The following RNF167 variants were observed in gnomAD, a reference collection of about 807,000 sequenced individuals.
RNF167 encodes ring finger protein 167, also known as E3 ubiquitin-protein ligase RNF167.
In RNF167, 19 loss-of-function variants were observed where a neutral mutation model predicts 34.8. The ratio of observed to expected loss-of-function variants is 0.55; its 90% confidence interval spans 0.38 to 0.80. The LOEUF (loss-of-function observed/expected upper bound fraction) is 0.80. Among genes scored for constraint, RNF167 ranks in the 30% least tolerant of loss-of-function variants. The pLI, the probability that RNF167 is intolerant of heterozygous loss-of-function variation, is 0.00. For missense variants in RNF167, 464 were observed against 447.0 expected (o/e 1.04, Z -0.34); for synonymous variants, 200 against 170.4 (o/e 1.17, Z -1.35).
chr17:4,944,909 A>C lies in RNF167; in HGVS notation c.946A>C (p.Thr316Pro), dbSNP rs1394135470. Residue 316 changes from threonine to proline, a missense_variant, in exon 10 of 10, where the codon ACT (threonine) becomes CCT (proline). Thr to Pro is a conservative substitution (Grantham distance 38, BLOSUM62 -1). Transcript: ENST00000262482. ...ERTPLLGSSP[T>P]LPTSFGSLAP... ...GACCCCACTTTTGGGTTCTAGCCCC[A>C]CTCTTCCCACCTCCTTTGGTTCCTT... The C allele has an allele frequency of 8.1e-6, 13 of 1,611,928 alleles. No individual in the cohort carries two copies. Among genetic ancestry groups the C allele is most frequent in the African/African-American group, 2.7e-5 (2 of 74,482 alleles).
upstream of RNF167, chr17:4,940,165 TG>T (rs1416938595): frequency 4.1e-5 from 16 of 393,956 alleles, no homozygotes; most frequent in Admixed American, 2.4e-4. Flanking sequence ...GGAAAGGCGC[TG>T]TTTTCACCGA....
In RNF167 at chr17:4,940,709, C is replaced by G; in HGVS notation, c.-201C>G. 2.0e-6 allele frequency: 1 copy of G among 509,160 alleles called. No homozygotes were observed. The highest frequency in any genetic ancestry group is 3.5e-6 in the Non-Finnish European group (1 of 288,280). The allele number at this position is 509,160 out of a possible 1,614,324, so 31.5% of individuals were successfully genotyped here. A position where few individuals can be genotyped will look rare whatever the true frequency, so the allele number is the denominator to read the frequency against. ...AAAAGGATACATTTAGTGCCTCCCACCCAGCTCCACTAAACGGGTTGGATA... is the reference window on the plus strand; with the variant it reads ...AAAAGGATACATTTAGTGCCTCCCAGCCAGCTCCACTAAACGGGTTGGATA... On this transcript the variant is annotated 5_prime_UTR_variant, in exon 2 of 10. Coordinates refer to ENST00000262482, the MANE Select transcript of RNF167 (RefSeq NM_015528.3).
At position 4,945,099 on chromosome 17, in the gene RNF167, T is replaced by G; in HGVS notation, c.*83T>G. The G allele has an allele frequency of 7.8e-7, 1 of 1,278,994 alleles. No homozygotes were observed. Among genetic ancestry groups the G allele is most frequent in the Non-Finnish European group, 1.1e-6 (1 of 937,018 alleles). The allele number at this position is 1,278,994 out of a possible 1,614,324, so 79.2% of individuals were successfully genotyped here. On this transcript the variant is annotated 3_prime_UTR_variant, in exon 10 of 10. Coordinates refer to ENST00000262482, the MANE Select transcript of RNF167 (RefSeq NM_015528.3). ...CAGTCTTCTGAGGGATAGGGGACAT[T>G]CCATCCCAAGCTTCTCCCTTACCCA...
Position 4,942,872 on chromosome 17 carries a change from G to C in RNF167, c.401G>C (p.Trp134Ser). ...WNSEEIQQQIWIPSVFIGERS... is the reference protein window; with the variant it reads ...WNSEEIQQQISIPSVFIGERS... Reference sequence around the variant, plus strand: ...GCAGAGGAAATCCAGCAGCAGATCTGGATCCCGTCTGTATTTATTGGGGAG... The same window carrying C: ...GCAGAGGAAATCCAGCAGCAGATCTCGATCCCGTCTGTATTTATTGGGGAG... Residue 134 changes from tryptophan (W) to serine (S), a missense_variant, in exon 6 of 10, where the codon TGG (tryptophan) becomes TCG (serine). Transcript: ENST00000262482. 3 of 1,614,214 alleles carry C rather than the reference G, an allele frequency of 1.9e-6. No individual in the cohort carries two copies. The highest frequency in any genetic ancestry group is 2.5e-6 in the Non-Finnish European group (3 of 1,180,038).
chr17:4,941,273 C>A, intron 3 of RNF167, 116 bp downstream of exon 3: 3 of 926,470 alleles, frequency 3.2e-6, no homozygotes, highest in Non-Finnish European at 4.9e-6. Context: ...GGAGGTTTGT[C>A]CTGGGTGAAA....
chr17:4,943,130 T>TC (rs1970997740), intron 6 of RNF167, 49 bp from the exon 7 acceptor site: 2 of 1,538,156 alleles, frequency 1.3e-6, no homozygotes, highest in Admixed American at 1.7e-5. Context: ...CCTCTTTTTT[T>TC]CTCCCTTTGC....
rs2151116000 is a variant in RNF167, at chr17:4,940,687, A to G, written c.-223A>G. On this transcript the variant is annotated 5_prime_UTR_variant, in exon 2 of 10. Transcript: ENST00000262482. ...CCGCGTTTTATCCCCGTACCAGAAA[A>G]GGATACATTTAGTGCCTCCCACCCA... 2.3e-6 allele frequency: 1 copy of G among 433,068 alleles called. No individual in the cohort carries two copies. The highest frequency in any genetic ancestry group is 4.1e-6 in the Non-Finnish European group (1 of 244,846). The allele number at this position is 433,068 out of a possible 1,614,324, so 26.8% of individuals were successfully genotyped here. A position where few individuals can be genotyped will look rare whatever the true frequency, so the allele number is the denominator to read the frequency against.
At chr17:4,941,680 C>A (rs769172915) in intron 3 of RNF167, among the ~76,000 whole-genome samples, 3 of 152,056 alleles carry the variant, frequency 2.0e-5, no homozygotes, top group Non-Finnish European at 4.4e-5. Flanking sequence ...ATTGAAGAGG[C>A]CGGGCGCGGT....
intron 5 of RNF167, 40 bp from the exon 6 acceptor site, chr17:4,942,785 CCAGGGTTCCCAGAGGATTTGAGTAGA>C: frequency 6.3e-7 from 1 of 1,587,238 alleles, no homozygotes; most frequent in Non-Finnish European, 8.7e-7. Flanking sequence ...GTGCAAGATG[CCAGGGTTCCCAGAGGATTTGAGTAGA>C]AGGTTGTGAG....
Position 4,940,709 on chromosome 17 carries a change from C to T in RNF167, c.-201C>T. ...AAAAGGATACATTTAGTGCCTCCCA[C>T]CCAGCTCCACTAAACGGGTTGGATA... On this transcript the variant is annotated 5_prime_UTR_variant, in exon 2 of 10. Transcript: ENST00000262482. 2 of 509,160 alleles carry T rather than the reference C, an allele frequency of 3.9e-6. No individual in the cohort carries two copies. The highest frequency in any genetic ancestry group is 3.2e-5 in the South Asian group (1 of 31,360). 31.5% of individuals were successfully genotyped at this position (509,160 alleles called of 1,614,324 possible).
rs137978010 is a variant in RNF167, at chr17:4,944,473, G to A, written c.671-85G>A. The stretch of plus-strand genomic sequence containing the variant: ...CTCTTCCACTGGCTTTGTAGGTGAG[G>A]GGAAATTTTTGCAAGGCTTTAAAAG... On this transcript the variant is annotated intron_variant, in intron 8 of 9. Coordinates refer to ENST00000262482, the MANE Select transcript of RNF167 (RefSeq NM_015528.3). 7,828 of 1,509,854 alleles carry A rather than the reference G, an allele frequency of 5.2e-3. 29 individuals carry two copies. Among genetic ancestry groups the A allele is most frequent in the Non-Finnish European group, 6.4e-3 (7,259 of 1,130,406 alleles). The allele number at this position is 1,509,854 out of a possible 1,614,324, so 93.5% of individuals were successfully genotyped here.
At chr17:4,941,917 A>C (rs192221194) in intron 3 of RNF167, among the ~76,000 whole-genome samples, 92 of 152,090 alleles carry the variant, frequency 6.0e-4, no homozygotes, top group African/African-American at 2.2e-3. Flanking sequence ...ACTCCATCTC[A>C]AAAAAAAGAA....
chr17:4,941,062 C>T lies in RNF167; in HGVS notation c.85-15C>T, dbSNP rs1400093713. The T allele has an allele frequency of 1.2e-6, 2 of 1,614,148 alleles. No homozygotes were observed. The highest frequency in any genetic ancestry group is 2.2e-5 in the East Asian group (1 of 44,880). On this transcript the variant is annotated splice_polypyrimidine_tract_variant and intron_variant, in intron 2 of 9. Coordinates refer to ENST00000262482, the MANE Select transcript of RNF167 (RefSeq NM_015528.3). Reference sequence around the variant, plus strand: ...GTTGCAGGCTGAAGGGGAACATCGCCTTTTTTGTCCGCAGACCTCGGACCA... The same window carrying T: ...GTTGCAGGCTGAAGGGGAACATCGCTTTTTTTGTCCGCAGACCTCGGACCA...
At chr17:4,942,275 G>C in intron 3 of RNF167, 66 bp from the exon 4 acceptor site, 1 of 1,571,284 alleles carries the variant, frequency 6.4e-7, no homozygotes, top group East Asian at 2.2e-5. Context: ...GGTGTGTTTG[G>C]TGGCCCCTGT....
rs1971060195 is a variant in RNF167 at position 4,943,619 on chromosome 17, G to A, written c.670+100G>A. The stretch of plus-strand genomic sequence containing the variant: ...GGGTATACAAAGATGGCAGTGGCCG[G>A]GCACAGTGGCTCACGTAATCCCAAG... On this transcript the variant is annotated intron_variant, in intron 8 of 9. Coordinates refer to ENST00000262482, the MANE Select transcript of RNF167 (RefSeq NM_015528.3). 5 of 966,390 alleles carry A rather than the reference G, an allele frequency of 5.2e-6. No individual in the cohort carries two copies. In the Admixed American group the frequency reaches 1.0e-4, roughly 20 times the overall value. 59.9% of individuals were successfully genotyped at this position (966,390 alleles called of 1,614,324 possible).
Position 4,944,994 on chromosome 17 carries a change from C to G in RNF167, c.1031C>G (p.Ser344Cys). Residue 344 changes from serine to cysteine, a missense_variant, in exon 10 of 10, where the codon TCT becomes TGT. Physicochemically the swap from Ser to Cys is moderately radical, Grantham distance 112 (BLOSUM62 -1). Transcript: ENST00000262482. ...PSTDPPLSPP[S>C]SPVILV Reference sequence around the variant, plus strand: ...ACAGATCCCCCACTGTCCCCTCCCTCTTCCCCTGTTATCCTGGTCTAATAA... The same window carrying G: ...ACAGATCCCCCACTGTCCCCTCCCTGTTCCCCTGTTATCCTGGTCTAATAA... 1 of 1,564,014 alleles carries G rather than the reference C, an allele frequency of 6.4e-7. No individual in the cohort carries two copies. The highest frequency in any genetic ancestry group is 1.4e-5 in the African/African-American group (1 of 73,290).
In RNF167 at chr17:4,942,657, G is replaced by T. The variant is rs1229579538; in HGVS notation, c.372G>T (p.Trp124Cys). The T allele has an allele frequency of 6.2e-7, 1 of 1,614,152 alleles. No individual in the cohort carries two copies. Among genetic ancestry groups the T allele is most frequent in the Admixed American group, 1.7e-5 (1 of 60,024 alleles). ...VNSNELLNMVWNSEEIQQQIW... is the reference protein window; with the variant it reads ...VNSNELLNMVCNSEEIQQQIW... The stretch of plus-strand genomic sequence containing the variant: ...CCAATGAACTTCTGAACATGGTGTG[G>T]AATAGTGGTAAGGCTGGGGGAATCT... Residue 124 changes from tryptophan (W) to cysteine (C), a missense_variant, in exon 5 of 10, where the codon TGG (tryptophan) becomes TGT (cysteine). By Grantham distance (215) the Trp-to-Cys change is radical (BLOSUM62 -2). Coordinates refer to ENST00000262482, the MANE Select transcript of RNF167 (RefSeq NM_015528.3).
rs116120736 is a variant in RNF167 at position 4,943,041 on chromosome 17, C to T, written c.470+100C>T. On this transcript the variant is annotated intron_variant, in intron 6 of 9. Transcript: ENST00000262482. ...TTACCCGAACCATTCAGCCTCCTGT[C>T]CTTCCTTCCCTGCCTCTTTGACTTT... 1,813 of 1,313,548 alleles carry T rather than the reference C, an allele frequency of 1.4e-3. 37 individuals are homozygous for T. The East Asian group carries it at 0.032, about 23-fold the overall frequency. The allele number at this position is 1,313,548 out of a possible 1,614,324, so 81.4% of individuals were successfully genotyped here.
At chr17:4,942,139 T>A (rs1275326342) in intron 3 of RNF167, among the ~76,000 whole-genome samples, 1 of 152,116 alleles carries the variant, frequency 6.6e-6, no homozygotes, top group Non-Finnish European at 1.5e-5. Flanking sequence ...TGGGAGAGTT[T>A]GGTGAAGGGA....
Sources: allele counts gnomAD v4.1 joint callset (sites outside exome capture counted in the v4.1 genomes callset), GRCh38; gene constraint gnomAD v4.1.1; transcripts MANE v1.5; gene names NCBI Gene and HGNC (gene_info 2026-07-23, HGNC 2026-07-21).